Variants in SOX6 observed in about 807,000 individuals in gnomAD.
SOX6 encodes the protein SRY-box transcription factor 6.
In SOX6, 11 loss-of-function variants were observed where a neutral mutation model predicts 97.8. That is an observed-to-expected ratio of 0.11 (90% confidence interval 0.07 to 0.19). The LOEUF (loss-of-function observed/expected upper bound fraction) is 0.19. Ranked by LOEUF, SOX6 falls within the 10% of genes least tolerant of loss-of-function variation. The pLI is 1.00. For synonymous variants in SOX6, 360 were observed against 371.4 expected (o/e 0.97, Z 0.35); for missense variants, 810 against 1,039.5 (o/e 0.78, Z 3.04).
intron 6 of SOX6, among the ~76,000 whole-genome samples, chr11:16,154,853 C>T (rs547659925): frequency 6.6e-6 from 1 of 152,124 alleles, no homozygotes; most frequent in Admixed American, 6.6e-5. Flanking sequence ...GGCAACCAGT[C>T]CTTCAGGGAG....
intron 4 of SOX6, among the ~76,000 whole-genome samples, chr11:16,504,630 T>A (rs1860757314): frequency 6.6e-6 from 1 of 151,636 alleles, no homozygotes; most frequent in Non-Finnish European, 1.5e-5. Flanking sequence ...ACTGGAAAAA[T>A]TAATATTGTT....
At chr11:16,713,608 G>A (rs1172706778) in intron 3 of SOX6, among the ~76,000 whole-genome samples, 1 of 152,090 alleles carries the variant, frequency 6.6e-6, no homozygotes, top group Admixed American at 6.6e-5. Flanking sequence ...GCACAATTTT[G>A]AAACTAAACA....
At chr11:16,144,294 T>C (rs1850230013) in intron 6 of SOX6, among the ~76,000 whole-genome samples, 1 of 152,188 alleles carries the variant, frequency 6.6e-6, no homozygotes, top group Admixed American at 6.5e-5. Context: ...AGATGTTCTT[T>C]GAAACCAATG....
At chr11:16,162,969 A>G (rs1276619673) in intron 6 of SOX6, among the ~76,000 whole-genome samples, 1 of 152,062 alleles carries the variant, frequency 6.6e-6, no homozygotes, top group Non-Finnish European at 1.5e-5. Flanking sequence ...GTATATGGGT[A>G]GAATGAGATT....
intron 9 of SOX6, among the ~76,000 whole-genome samples, chr11:16,058,867 G>A (rs1473584162): frequency 6.6e-6 from 1 of 152,106 alleles, no homozygotes; most frequent in East Asian, 1.9e-4. Context: ...GGGGCTGGAA[G>A]GGAGGAGGCA....
chr11:16,534,034 C>T (rs1415048713), intron 4 of SOX6, among the ~76,000 whole-genome samples: 2 of 152,080 alleles, frequency 1.3e-5, no homozygotes, highest in African/African-American at 4.8e-5. Context: ...TTAAATGTAT[C>T]AAATCAGAAT....
At position 16,253,850 on chromosome 11, in the gene SOX6, C is replaced by A. The variant is rs186273869; in HGVS notation, c.446-19179G>T. On this transcript the variant is annotated intron_variant, in intron 3 of 15. Coordinates refer to ENST00000683767, the MANE Select transcript of SOX6 (RefSeq NM_001367873.1). ...TCTCAAATTAATGTCAGACACCAAA[C>A]CACACAGATCCAGGAGGCACAAAGA... 2.9e-3 allele frequency among the ~76,000 whole-genome samples: 447 copies of A among 152,116 alleles called. 1 individual carries two copies. Among genetic ancestry groups the A allele is most frequent in the African/African-American group, 0.01 (421 of 41,512 alleles).
At chr11:16,179,857 G>A (rs1365166561) in intron 6 of SOX6, among the ~76,000 whole-genome samples, 1 of 151,824 alleles carries the variant, frequency 6.6e-6, no homozygotes. Context: ...TAAGCCACTT[G>A]AATAACTCTA....
chr11:16,347,525 TA>T (rs939772012), intron 1 of SOX6, among the ~76,000 whole-genome samples: 12 of 152,220 alleles, frequency 7.9e-5, no homozygotes, highest in African/African-American at 2.2e-4. Flanking sequence ...GAAAGCTGTC[TA>T]AAATAATAGC....
chr11:16,343,507 C>A (rs1422454199), intron 1 of SOX6, among the ~76,000 whole-genome samples: 1 of 151,780 alleles, frequency 6.6e-6, no homozygotes, highest in Non-Finnish European at 1.5e-5. Flanking sequence ...CACCAGTGAA[C>A]AATAGTGCAC....
intron 3 of SOX6, among the ~76,000 whole-genome samples, chr11:16,635,556 A>T (rs1043300744): frequency 2.0e-5 from 3 of 152,216 alleles, no homozygotes; most frequent in African/African-American, 7.2e-5. Flanking sequence ...GATGCAGTAG[A>T]AAACAAAGAC....
chr11:15,994,872 T>C (rs1311103219), intron 13 of SOX6, among the ~76,000 whole-genome samples: 1 of 152,134 alleles, frequency 6.6e-6, no homozygotes, highest in Non-Finnish European at 1.5e-5. Context: ...CCCATAGATG[T>C]TGAAGATTCC....
chr11:16,671,395 AT>A (rs1473651176), intron 3 of SOX6, among the ~76,000 whole-genome samples: 3 of 152,244 alleles, frequency 2.0e-5, no homozygotes. Flanking sequence ...GAAAACAAGA[AT>A]TGCAATAAAG....
chr11:16,540,730 G>A (rs1294963430), intron 4 of SOX6, among the ~76,000 whole-genome samples: 1 of 152,034 alleles, frequency 6.6e-6, no homozygotes, highest in Non-Finnish European at 1.5e-5. Context: ...AATTGCTACA[G>A]TGAGAATAAA....
chr11:16,119,542 T>C (rs1038310262), intron 6 of SOX6, among the ~76,000 whole-genome samples: 1 of 152,188 alleles, frequency 6.6e-6, no homozygotes, highest in African/African-American at 2.4e-5. Flanking sequence ...AGCAAGTAAG[T>C]TGACTGTCCC....
intron 4 of SOX6, among the ~76,000 whole-genome samples, chr11:16,581,494 T>C (rs1225035035): frequency 6.6e-6 from 1 of 152,038 alleles, no homozygotes; most frequent in African/African-American, 2.4e-5. Context: ...AGTTAATGCA[T>C]GAAGGGCTTA....
chr11:16,157,554 C>T (rs1850635137), intron 6 of SOX6, among the ~76,000 whole-genome samples: 1 of 151,972 alleles, frequency 6.6e-6, no homozygotes, highest in Non-Finnish European at 1.5e-5. Flanking sequence ...TCCAAGATCA[C>T]ATACCAAATA....
intron 12 of SOX6, chr11:16,031,622 A>G (rs1855375435): frequency 6.6e-6 from 1 of 152,106 alleles, no homozygotes. Context: ...TGCCTCCTGT[A>G]ACTATAAGAA....
At chr11:16,480,988 C>A (rs1860335305), upstream of SOX6, among the ~76,000 whole-genome samples, 1 of 152,048 alleles carries the variant, frequency 6.6e-6, no homozygotes, top group African/African-American at 2.4e-5. Flanking sequence ...GATGCCTGGT[C>A]TTTTATATAT....
Sources: gnomAD v4.1 joint callset for allele counts (sites outside exome capture counted in the v4.1 genomes callset) on GRCh38, gnomAD v4.1.1 for gene constraint, MANE v1.5 for transcripts, NCBI Gene and HGNC (gene_info 2026-07-23, HGNC 2026-07-21) for gene names.